Variants in ADGRF3 observed in about 807,000 individuals in gnomAD.
ADGRF3 encodes G protein-coupled receptor 113.
A neutral mutation model predicts 93.2 loss-of-function variants in ADGRF3; 85 were observed. The observed-to-expected ratio is 0.91, with a 90% CI of 0.77 to 1.09. ADGRF3 has a LOEUF of 1.09. Among genes scored for constraint, ADGRF3 ranks in the 50% least tolerant of loss-of-function variants. The pLI is 0.00. For synonymous variants in ADGRF3, 534 were observed against 532.5 expected (o/e 1.00, Z -0.04); for missense variants, 1,125 against 1,246.2 (o/e 0.90, Z 1.46).
Position 26,313,827 on chromosome 2 carries a change from G to A in ADGRF3, c.1005C>T (p.Tyr335=), listed in dbSNP as rs142736325. 19 of 1,613,984 alleles carry A rather than the reference G, an allele frequency of 1.2e-5. No individual in the cohort carries two copies. The highest frequency in any genetic ancestry group is 3.3e-5 in the Admixed American group (2 of 60,028). Residue 335 remains tyrosine, a synonymous_variant, in exon 7 of 14, where the codon TAC becomes TAT. Transcript: ENST00000651242. ...VQRCPMADTT[Y]ACDLQSLGLA... ...GGCCCAGGCTCTGCAGGTCACAAGC[G>A]TACGTGGTGTCAGCCATCGGGCAGC...
In ADGRF3 at chr2:26,310,731, C is replaced by G. The variant is rs770830893; in HGVS notation, c.2793G>C (p.Thr931=). 1.2e-6 allele frequency: 2 copies of G among 1,612,838 alleles called. No homozygotes were observed. The highest frequency in any genetic ancestry group is 4.5e-5 in the East Asian group (2 of 44,852). Reference sequence around the variant, plus strand: ...GAATGGTGAAGATGTAATGAGGGACCGTGGAGACTTCCTCTAACAGAGTGG... The same window carrying G: ...GAATGGTGAAGATGTAATGAGGGACGGTGGAGACTTCCTCTAACAGAGTGG... ...GLATLLEEVS[T]VPHYIFTILN... The change falls in exon 10 of 14, where the codon ACG becomes ACC. Residue 931 remains threonine, a synonymous_variant. Coordinates refer to ENST00000651242, the MANE Select transcript of ADGRF3 (RefSeq NM_001321971.2).
chr2:26,329,758 C>T (rs891865893), intron 1 of ADGRF3, among the ~76,000 whole-genome samples: 10 of 152,092 alleles, frequency 6.6e-5, no homozygotes, highest in African/African-American at 2.4e-4. Context: ...TCTAAAGTTC[C>T]CATTTGGTTC....
intron 1 of ADGRF3, among the ~76,000 whole-genome samples, chr2:26,343,589 G>A (rs1378037595): frequency 2.0e-5 from 3 of 152,032 alleles, no homozygotes; most frequent in Non-Finnish European, 1.5e-5. Flanking sequence ...ACAGGTACCC[G>A]CCACCACGCC....
chr2:26,316,129 G>T, intron 4 of ADGRF3, 146 bp downstream of exon 4: 1 of 795,216 alleles, frequency 1.3e-6, no homozygotes, highest in Non-Finnish European at 2.0e-6. Flanking sequence ...CCTGTGATCT[G>T]CTATGATGGC....
At chr2:26,330,696 T>C (rs1675717206) in intron 1 of ADGRF3, among the ~76,000 whole-genome samples, 1 of 152,212 alleles carries the variant, frequency 6.6e-6, no homozygotes, top group African/African-American at 2.4e-5. Context: ...GTTAGGGTCT[T>C]CCTTCCCTCT....
In ADGRF3 at chr2:26,343,163, T is replaced by C. The variant is rs985761358; in HGVS notation, c.114+2958A>G. On this transcript the variant is annotated intron_variant, in intron 1 of 13. Coordinates refer to ENST00000651242, the MANE Select transcript of ADGRF3 (RefSeq NM_001321971.2). ...CTAGGATGTCACTAGATGACAGAAA[T>C]TTTTCAGCTCCACTATAATCTTAAG... 5.3e-5 allele frequency among the ~76,000 whole-genome samples: 8 copies of C among 152,240 alleles called. No homozygotes were observed. The East Asian group carries it at 1.4e-3, about 26-fold the overall frequency.
intron 1 of ADGRF3, among the ~76,000 whole-genome samples, chr2:26,327,740 G>C (rs951783424): frequency 6.6e-6 from 1 of 151,138 alleles, no homozygotes; most frequent in Non-Finnish European, 1.5e-5. Context: ...GACAAAGACA[G>C]AGAGAGAAAG....
In ADGRF3 at chr2:26,309,087, C is replaced by T. The variant is rs1198642725; in HGVS notation, c.3014G>A (p.Ter1005=). The T allele has an allele frequency of 1.2e-6, 2 of 1,613,916 alleles. No homozygotes were observed. The highest frequency in any genetic ancestry group is 1.7e-6 in the Non-Finnish European group (2 of 1,179,912). Reference sequence around the variant, plus strand: ...CAGGAACATGGGTCCGTGTGTGGTTCACTCTGAAGCATCTGTCTTCCTGTG... The same window carrying T: ...CAGGAACATGGGTCCGTGTGTGGTTTACTCTGAAGCATCTGTCTTCCTGTG... The part of the protein sequence containing the change: ...DTARKTDASE[*] Residue 1005 remains the stop codon, a stop_retained_variant, in exon 14 of 14, where the codon TGA becomes TAA. Transcript: ENST00000651242.
intron 1 of ADGRF3, among the ~76,000 whole-genome samples, chr2:26,337,319 T>C (rs1676110733): frequency 1.3e-5 from 2 of 152,270 alleles, no homozygotes; most frequent in Admixed American, 6.5e-5. Context: ...AAAGGCCTTG[T>C]AGCTTCCACT....
intron 1 of ADGRF3, among the ~76,000 whole-genome samples, chr2:26,319,617 T>TCC (rs1289874624): frequency 0.018 from 811 of 45,982 alleles, 6 homozygotes; most frequent in African/African-American, 0.028. Flanking sequence ...CTTCCTTCCT[T>TCC]TCTTTCTTTG....
intron 13 of ADGRF3, 76 bp from the exon 14 acceptor site, chr2:26,309,183 GC>G: frequency 6.8e-6 from 11 of 1,613,944 alleles, no homozygotes; most frequent in South Asian, 1.1e-5. Flanking sequence ...TGGATACCAA[GC>G]CCACCCATGG....
chr2:26,318,884 T>C (rs1029181720), intron 1 of ADGRF3: 2 of 1,548,736 alleles, frequency 1.3e-6, no homozygotes, highest in African/African-American at 2.7e-5. Flanking sequence ...ATCCTTTCAT[T>C]CCATGCTTTG....
At chr2:26,341,332 C>T (rs1360216940) in intron 1 of ADGRF3, among the ~76,000 whole-genome samples, 1 of 152,100 alleles carries the variant, frequency 6.6e-6, no homozygotes, top group African/African-American at 2.4e-5. Context: ...TAGCCAAGAT[C>T]GCGCCACTGC....
chr2:26,337,886 G>A (rs551269234), intron 1 of ADGRF3, among the ~76,000 whole-genome samples: 5 of 152,206 alleles, frequency 3.3e-5, no homozygotes, highest in African/African-American at 9.6e-5. Flanking sequence ...GGCCAGGCAT[G>A]GTGGCACATG....
intron 1 of ADGRF3, chr2:26,319,079 C>T (rs777086846): frequency 6.5e-6 from 10 of 1,531,044 alleles, no homozygotes; most frequent in South Asian, 2.4e-5. Context: ...TACAAGCCCA[C>T]GATGCAAATT....
chr2:26,313,144 G>C, intron 8 of ADGRF3, 22 bp from the exon 9 acceptor site: 1 of 1,612,672 alleles, frequency 6.2e-7, no homozygotes, highest in South Asian at 1.1e-5. Context: ...GAGACAGCAT[G>C]AAGTGGGACA....
rs749390514 is a variant in ADGRF3 at position 26,317,482 on chromosome 2, G to A, written c.181+14C>T. On this transcript the variant is annotated intron_variant, in intron 2 of 13. Transcript: ENST00000651242. ...TCTCCTCCCCCTCCCTCCTCCTCCT[G>A]TCCATACACTCACCCCCTGCTCCAT... 6 of 1,584,164 alleles carry A rather than the reference G, an allele frequency of 3.8e-6. No homozygotes were observed. In the African/African-American group the frequency reaches 8.1e-5, roughly 21 times the overall value.
rs1674027768 is a variant in ADGRF3 at position 26,310,870 on chromosome 2, CTCAGCAACT to C, written c.2645_2653del (p.Lys882_Leu884del). 1.2e-6 allele frequency: 2 copies of C among 1,612,736 alleles called. No individual in the cohort carries two copies. Among genetic ancestry groups the C allele is most frequent in the African/African-American group, 2.7e-5 (2 of 74,866 alleles). ...TGGGGGTCCCTCTGACAGCGAAGGT[CTCAGCAACT>C]TCAGCATGGCCATGGCTAGTACCAG... On this transcript the variant is annotated inframe_deletion, in exon 10 of 14. Transcript: ENST00000651242.
intron 1 of ADGRF3, among the ~76,000 whole-genome samples, chr2:26,336,354 A>T (rs62130517): frequency 1.3e-5 from 1 of 76,574 alleles, no homozygotes; most frequent in Non-Finnish European, 3.4e-5. Flanking sequence ...GTTTGTATGT[A>T]TGTGTGTGTG....
Sources: allele counts gnomAD v4.1 joint callset (sites outside exome capture counted in the v4.1 genomes callset), GRCh38; gene constraint gnomAD v4.1.1; transcripts MANE v1.5; gene names NCBI Gene and HGNC (gene_info 2026-07-23, HGNC 2026-07-21).